CORO1C: variants seen among roughly 807,000 people sequenced by gnomAD.
CORO1C encodes the protein coronin 1C.
In CORO1C, 14 loss-of-function variants were observed where a neutral mutation model predicts 51.2. That is an observed-to-expected ratio of 0.27 (90% CI 0.18 to 0.43). CORO1C has a LOEUF of 0.43. CORO1C is among the 20% of genes least tolerant of loss of function. The pLI is 1.00. For missense variants in CORO1C, 417 were observed against 607.8 expected (o/e 0.69, Z 3.30); for synonymous variants, 181 against 210.5 (o/e 0.86, Z 1.21).
At chr12:108,664,881 G>C (rs773718275) in intron 3 of CORO1C, among the ~76,000 whole-genome samples, 1 of 152,178 alleles carries the variant, frequency 6.6e-6, no homozygotes, top group Non-Finnish European at 1.5e-5. Flanking sequence ...GCATGAAGTC[G>C]ACAGAAAAAC....
intron 2 of CORO1C, among the ~76,000 whole-genome samples, chr12:108,680,194 T>C (rs2034074009): frequency 6.6e-6 from 1 of 152,194 alleles, no homozygotes; most frequent in African/African-American, 2.4e-5. Context: ...CAGCCAATTA[T>C]GGTGCCACAT....
intron 1 of CORO1C, among the ~76,000 whole-genome samples, chr12:108,710,805 G>A (rs1437141559): frequency 6.6e-6 from 1 of 151,926 alleles, no homozygotes; most frequent in Non-Finnish European, 1.5e-5. Context: ...CTCATGATCC[G>A]CCTGCCTCAG....
chr12:108,714,397 CA>C (rs34182326), intron 1 of CORO1C, among the ~76,000 whole-genome samples: 216 of 94,942 alleles, frequency 2.3e-3, no homozygotes, highest in African/African-American at 6.5e-3. Context: ...GAGTCAGTCT[CA>C]AAAAAAAAAA....
chr12:108,686,815 CATT>C (rs2034310546), intron 2 of CORO1C, among the ~76,000 whole-genome samples: 2 of 152,184 alleles, frequency 1.3e-5, no homozygotes, highest in African/African-American at 4.8e-5. Context: ...GGCCTACAGA[CATT>C]ATTATCTGAA....
chr12:108,725,113 T>C (rs565866432), intron 1 of CORO1C, among the ~76,000 whole-genome samples: 21 of 152,282 alleles, frequency 1.4e-4, no homozygotes, highest in African/African-American at 4.3e-4. Context: ...GAGAAGACTG[T>C]CTGAATAGAC....
chr12:108,655,004 C>T (rs537622279), intron 6 of CORO1C, among the ~76,000 whole-genome samples: 1 of 152,144 alleles, frequency 6.6e-6, no homozygotes, highest in Non-Finnish European at 1.5e-5. Flanking sequence ...TGCGCCTACC[C>T]TATTTTATTT....
At chr12:108,717,378 G>A (rs1297257839) in intron 1 of CORO1C, among the ~76,000 whole-genome samples, 1 of 152,188 alleles carries the variant, frequency 6.6e-6, no homozygotes, top group African/African-American at 2.4e-5. Flanking sequence ...TGCAGTCTTG[G>A]GAGCCATAGG....
chr12:108,711,199 C>T (rs1208176837), intron 1 of CORO1C, among the ~76,000 whole-genome samples: 1 of 151,430 alleles, frequency 6.6e-6, no homozygotes, highest in Non-Finnish European at 1.5e-5. Context: ...CCCATATCTA[C>T]AAAAAATAAA....
At position 108,645,586 on chromosome 12, in the gene CORO1C, C is replaced by T. The variant is rs956715925; in HGVS notation, c.*1817G>A. On this transcript the variant is annotated 3_prime_UTR_variant, in exon 11 of 11. Transcript: ENST00000261401. Reference sequence around the variant, plus strand: ...GATCCACTTCAATATTAAACACATACATACACACACACAAAACCACATCAA... The same window carrying T: ...GATCCACTTCAATATTAAACACATATATACACACACACAAAACCACATCAA... 6.6e-6 allele frequency: 1 copy of T among 152,186 alleles called. No homozygotes were observed. The highest frequency in any genetic ancestry group is 1.9e-4 in the East Asian group (1 of 5,202). 9.4% of individuals were successfully genotyped at this position (152,186 alleles called of 1,614,324 possible). A position where few individuals can be genotyped will look rare whatever the true frequency, so the allele number is the denominator to read the frequency against.
chr12:108,649,868 G>A (rs2032560840), intron 8 of CORO1C, among the ~76,000 whole-genome samples: 1 of 152,186 alleles, frequency 6.6e-6, no homozygotes, highest in African/African-American at 2.4e-5. Context: ...GTTGAATGTG[G>A]GCGTCAATGC....
intron 6 of CORO1C, 54 bp from the exon 7 acceptor site, chr12:108,654,464 A>C: frequency 9.7e-7 from 1 of 1,034,328 alleles, no homozygotes; most frequent in Non-Finnish European, 1.4e-6. Context: ...TTTTTTTAAA[A>C]ATAAATTTTT....
intron 3 of CORO1C, among the ~76,000 whole-genome samples, chr12:108,677,713 T>C (rs2033957185): frequency 6.6e-6 from 1 of 152,154 alleles, no homozygotes; most frequent in East Asian, 1.9e-4. Flanking sequence ...ACAGAGAACA[T>C]GTCAACTGTC....
intron 2 of CORO1C, among the ~76,000 whole-genome samples, chr12:108,686,254 C>T (rs17040860): frequency 0.075 from 11,359 of 152,264 alleles, 627 homozygotes; most frequent in East Asian, 0.32. Flanking sequence ...TGAGGGGCCA[C>T]TCAGAAAGAC....
chr12:108,703,203 G>C (rs1178362277), intron 1 of CORO1C: 2 of 334,840 alleles, frequency 6.0e-6, no homozygotes, highest in Non-Finnish European at 1.1e-5. Context: ...CTTCAAGCAA[G>C]TGTTTCAAAA....
At position 108,678,289 on chromosome 12, in the gene CORO1C, C is replaced by T; in HGVS notation, c.301G>A (p.Glu101Lys). 6.2e-7 allele frequency: 1 copy of T among 1,612,984 alleles called. No homozygotes were observed. Among genetic ancestry groups the T allele is most frequent in the Non-Finnish European group, 8.5e-7 (1 of 1,179,462 alleles). The change falls in exon 3 of 11, where the codon GAG becomes AAG. Residue 101 changes from glutamate (E) to lysine (K), a missense_variant. Glu to Lys is a moderately conservative substitution (Grantham distance 56). Coordinates refer to ENST00000261401, the MANE Select transcript of CORO1C (RefSeq NM_014325.4). ...HNDQVIASGS[E>K]DCTVMVWQIP... ...GAGCTTACCATGACCGTGCAGTCCT[C>T]TGAACCGCTGGCAATGACCTGATCG...
chr12:108,704,627 T>C (rs2034974914), intron 1 of CORO1C, among the ~76,000 whole-genome samples: 1 of 152,378 alleles, frequency 6.6e-6, no homozygotes, highest in Non-Finnish European at 1.5e-5. Flanking sequence ...TCCGCAGTGC[T>C]GTGCTGAGTC....
intron 2 of CORO1C, 120 bp from the exon 3 acceptor site, chr12:108,678,514 C>T (rs1172907506): frequency 1.3e-6 from 1 of 787,260 alleles, no homozygotes; most frequent in South Asian, 2.5e-5. Context: ...CTAGATATGA[C>T]ATCGTATAGT....
At chr12:108,672,911 T>C (rs190348205) in intron 3 of CORO1C, among the ~76,000 whole-genome samples, 3 of 152,304 alleles carry the variant, frequency 2.0e-5, no homozygotes, top group East Asian at 3.9e-4. Context: ...CTGTGTGTTT[T>C]CTCATTGCTC....
chr12:108,715,650 C>CCCCCCCCCCG (rs2035311302), intron 1 of CORO1C, among the ~76,000 whole-genome samples: 1 of 146,196 alleles, frequency 6.8e-6, no homozygotes, highest in African/African-American at 2.6e-5. Context: ...CCCCTCCCCC[C>CCCCCCCCCCG]CGCATACTCA....
Sources: gnomAD v4.1 joint callset for allele counts (sites outside exome capture counted in the v4.1 genomes callset) on GRCh38, gnomAD v4.1.1 for gene constraint, MANE v1.5 for transcripts, NCBI Gene and HGNC (gene_info 2026-07-23, HGNC 2026-07-21) for gene names.